The following KHDRBS2 variants were observed in gnomAD, a reference collection of about 807,000 sequenced individuals.
KHDRBS2 encodes KH domain-containing, RNA-binding, signal transduction-associated protein 2.
In KHDRBS2, 26 loss-of-function variants were observed where a neutral mutation model predicts 44.3. That is an observed-to-expected ratio of 0.59 (90% confidence interval 0.43 to 0.81). KHDRBS2 has a LOEUF of 0.81. Ranked by LOEUF, KHDRBS2 falls within the 40% of genes least tolerant of loss-of-function variation. The probability of loss-of-function intolerance (pLI) is 0.00; values close to 1 mark genes in which losing one functional copy is unlikely to be tolerated. For synonymous variants in KHDRBS2, 194 were observed against 151.1 expected, an observed-to-expected ratio of 1.28 and a Z score of -2.08; for missense variants, 476 against 433.1, an observed-to-expected ratio of 1.10 and a Z score of -0.88.
intron 1 of KHDRBS2, among the ~76,000 whole-genome samples, chr6:62,272,732 G>C (rs557999033): frequency 6.6e-6 from 1 of 152,176 alleles, no homozygotes; most frequent in Non-Finnish European, 1.5e-5. Context: ...GGATATGAGA[G>C]AGGAAAAGAT....
chr6:62,258,023 T>C (rs1837692674), intron 1 of KHDRBS2, among the ~76,000 whole-genome samples: 2 of 152,054 alleles, frequency 1.3e-5, no homozygotes, highest in Admixed American at 1.3e-4. Context: ...GCTTTTTGAG[T>C]GCCGACATGA....
intron 6 of KHDRBS2, among the ~76,000 whole-genome samples, chr6:61,741,338 G>A (rs565769223): frequency 9.2e-5 from 14 of 151,930 alleles, no homozygotes; most frequent in African/African-American, 3.1e-4. Context: ...GATATTTGAA[G>A]GTTGCTTGCA....
At chr6:62,118,223 C>T (rs901285423) in intron 2 of KHDRBS2, among the ~76,000 whole-genome samples, 1 of 152,154 alleles carries the variant, frequency 6.6e-6, no homozygotes, top group Non-Finnish European at 1.5e-5. Flanking sequence ...GGACTTATTT[C>T]TAGGTTCTCT....
At chr6:62,093,856 T>TTGTGTGTG (rs61194705) in intron 2 of KHDRBS2, among the ~76,000 whole-genome samples, 13,532 of 143,166 alleles carry the variant, frequency 0.095, 733 homozygotes, top group Non-Finnish European at 0.13. Context: ...TTCCATTGTT[T>TTGTGTGTG]TGTGTGTGTG....
chr6:62,177,405 T>G, intron 1 of KHDRBS2, 93 bp from the exon 2 acceptor site: 1 of 942,116 alleles, frequency 1.1e-6, no homozygotes, highest in Non-Finnish European at 1.5e-6. Flanking sequence ...ATATTCATAT[T>G]ACTCCTCTTC....
chr6:61,599,678 G>T, the KHDRBS2 span, among the ~76,000 whole-genome samples: 7 of 152,134 alleles, frequency 4.6e-5, no homozygotes, highest in Admixed American at 6.6e-5. Flanking sequence ...AGGCAACAAG[G>T]GTTGAGACAA....
intron 4 of KHDRBS2, among the ~76,000 whole-genome samples, chr6:61,920,729 A>C (rs953430844): frequency 6.6e-6 from 1 of 151,988 alleles, no homozygotes; most frequent in Non-Finnish European, 1.5e-5. Context: ...GAAAGGATTC[A>C]GTCCTAAAAA....
chr6:61,707,957 T>G (rs1769864632), intron 7 of KHDRBS2, among the ~76,000 whole-genome samples: 1 of 151,660 alleles, frequency 6.6e-6, no homozygotes, highest in African/African-American at 2.4e-5. Context: ...CAGGTGCCAA[T>G]ATCATTGGAA....
At chr6:62,148,283 C>T (rs1562957713) in intron 2 of KHDRBS2, among the ~76,000 whole-genome samples, 3 of 152,082 alleles carry the variant, frequency 2.0e-5, no homozygotes, top group South Asian at 2.1e-4. Flanking sequence ...ATAATACAGG[C>T]ATAAATTAGC....
intron 3 of KHDRBS2, among the ~76,000 whole-genome samples, chr6:62,029,424 A>G (rs1443099298): frequency 6.6e-6 from 1 of 151,942 alleles, no homozygotes; most frequent in African/African-American, 2.4e-5. Flanking sequence ...TGTTTCATAA[A>G]AAGTATCAAA....
chr6:61,945,109 A>ATATATATGT (rs1256689275), intron 4 of KHDRBS2, among the ~76,000 whole-genome samples: 1,878 of 36,384 alleles, frequency 0.052, 250 homozygotes, highest in Non-Finnish European at 0.07. Flanking sequence ...AAAAAAAAAA[A>ATATATATGT]AAAGTATATA....
intron 2 of KHDRBS2, among the ~76,000 whole-genome samples, chr6:62,089,982 G>A (rs950622144): frequency 6.6e-5 from 10 of 151,898 alleles, no homozygotes; most frequent in South Asian, 4.1e-4. Context: ...TGACTGGGGC[G>A]TCCACACAGG....
intron 3 of KHDRBS2, among the ~76,000 whole-genome samples, chr6:62,024,703 T>A (rs932720228): frequency 6.6e-6 from 1 of 151,664 alleles, no homozygotes; most frequent in African/African-American, 2.4e-5. Flanking sequence ...GAATTGTTTG[T>A]CAAGGAATCT....
chr6:62,111,072 A>T lies in KHDRBS2; in HGVS notation c.220-63078T>A, dbSNP rs527871230. Among the ~76,000 whole-genome samples the T allele has an allele frequency of 2.0e-5, 3 of 152,212 alleles. No individual in the cohort carries two copies. The South Asian group carries it at 6.2e-4, about 32-fold the overall frequency. The stretch of plus-strand genomic sequence containing the variant: ...CTAGGGAAACTGCTTATAACTTGTA[A>T]CAACCAAGTTTAGAACTAGATCAAT... On this transcript the variant is annotated intron_variant, in intron 2 of 8. Coordinates refer to ENST00000281156, the MANE Select transcript of KHDRBS2 (RefSeq NM_152688.4).
At chr6:61,949,933 T>C (rs1764397552) in intron 4 of KHDRBS2, among the ~76,000 whole-genome samples, 1 of 152,098 alleles carries the variant, frequency 6.6e-6, no homozygotes, top group South Asian at 2.1e-4. Context: ...TTGTTGAAAA[T>C]GAAATTTTTT....
intron 2 of KHDRBS2, among the ~76,000 whole-genome samples, chr6:62,139,469 C>T (rs1320770666): frequency 2.6e-5 from 4 of 151,234 alleles, no homozygotes; most frequent in African/African-American, 4.9e-5. Context: ...AGGAGAATGG[C>T]GTGAACCCGG....
At chr6:62,005,447 T>A (rs545402121) in intron 3 of KHDRBS2, among the ~76,000 whole-genome samples, 1 of 152,092 alleles carries the variant, frequency 6.6e-6, no homozygotes, top group South Asian at 2.1e-4. Context: ...TTAAATATGC[T>A]TTAATAATAG....
the KHDRBS2 span, among the ~76,000 whole-genome samples, chr6:61,627,231 C>T: frequency 1.1e-4 from 13 of 117,120 alleles, no homozygotes; most frequent in Non-Finnish European, 1.5e-4. Context: ...CCAGCCTGGG[C>T]GACAGAGCGA....
At chr6:62,237,488 T>C (rs1230801436) in intron 1 of KHDRBS2, among the ~76,000 whole-genome samples, 2 of 152,202 alleles carry the variant, frequency 1.3e-5, no homozygotes, top group East Asian at 3.9e-4. Context: ...GAGTTCTGGC[T>C]TGGATTTATT....
Sources: allele counts gnomAD v4.1 joint callset (sites outside exome capture counted in the v4.1 genomes callset), GRCh38; gene constraint gnomAD v4.1.1; transcripts MANE v1.5; gene names NCBI Gene and HGNC (gene_info 2026-07-23, HGNC 2026-07-21).